SAMSN1: variants seen among roughly 807,000 people sequenced by gnomAD.
SAMSN1 encodes the protein SAM domain-containing protein SAMSN-1.
SAMSN1 carries 31 observed loss-of-function variants against 42.0 expected under a neutral mutation model. That is an observed-to-expected ratio of 0.74 (90% confidence interval 0.55 to 1.00). The LOEUF (loss-of-function observed/expected upper bound fraction) is 1.00. Ranked by LOEUF, SAMSN1 falls within the 50% of genes least tolerant of loss-of-function variation. The pLI, the probability that SAMSN1 is intolerant of heterozygous loss-of-function variation, is 0.00. For missense variants in SAMSN1, 464 were observed against 439.4 expected, an observed-to-expected ratio of 1.06 and a Z score of -0.50; for synonymous variants, 178 against 151.9, an observed-to-expected ratio of 1.17 and a Z score of -1.26.
Position 14,512,585 on chromosome 21 carries a change from A to G in SAMSN1, c.280-12T>C. The G allele has an allele frequency of 6.2e-7, 1 of 1,613,504 alleles. No homozygotes were observed. The stretch of plus-strand genomic sequence containing the variant: ...CCATCTTCCTCATCCTTCAGAAAAC[A>G]TATCAGAGGTTAGGTACAGAGAGAA... On this transcript the variant is annotated splice_polypyrimidine_tract_variant and intron_variant, in intron 3 of 7. Transcript: ENST00000400566.
intron 1 of SAMSN1, among the ~76,000 whole-genome samples, chr21:14,530,660 C>T (rs964688287): frequency 4.6e-5 from 7 of 152,096 alleles, no homozygotes; most frequent in South Asian, 2.1e-4. Flanking sequence ...GATAGTTGGT[C>T]GATGTTTCAT....
intron 2 of SAMSN1, among the ~76,000 whole-genome samples, chr21:14,634,209 A>AT (rs397695366): frequency 6.6e-6 from 1 of 151,306 alleles, no homozygotes; most frequent in Non-Finnish European, 1.5e-5. Context: ...TATAAAAAAA[A>AT]CCCTAGAAGA....
upstream of SAMSN1, chr21:14,583,848 T>C: frequency 3.1e-6 from 2 of 650,588 alleles, no homozygotes; most frequent in Non-Finnish European, 2.8e-6. Context: ...TATGTTGAGA[T>C]CATAAATGTG....
chr21:14,623,387 C>G (rs1045586243), intron 2 of SAMSN1, among the ~76,000 whole-genome samples: 2 of 152,070 alleles, frequency 1.3e-5, no homozygotes, highest in Non-Finnish European at 2.9e-5. Flanking sequence ...ACCCATCTCA[C>G]GTGCAGAGAC....
intron 6 of SAMSN1, among the ~76,000 whole-genome samples, chr21:14,595,456 T>G (rs988360326): frequency 6.6e-6 from 1 of 152,134 alleles, no homozygotes; most frequent in Non-Finnish European, 1.5e-5. Context: ...TAAGGTACTT[T>G]GCTATAGCTG....
At chr21:14,593,864 C>A in intron 7 of SAMSN1, 1 of 505,542 alleles carries the variant, frequency 2.0e-6, no homozygotes, top group Non-Finnish European at 3.6e-6. Flanking sequence ...GGACAAGCCT[C>A]TATTTATGTT....
chr21:14,562,121 T>C (rs1005676508), intron 2 of SAMSN1, among the ~76,000 whole-genome samples: 30 of 152,174 alleles, frequency 2.0e-4, no homozygotes, highest in African/African-American at 7.0e-4. Flanking sequence ...GGTGAGCATG[T>C]ATACATTTAC....
intron 2 of SAMSN1, among the ~76,000 whole-genome samples, chr21:14,632,291 T>C (rs552300353): frequency 6.6e-6 from 1 of 152,248 alleles, no homozygotes; most frequent in African/African-American, 2.4e-5. Context: ...GAGTTCCCAA[T>C]AATTCTGGGC....
At chr21:14,559,287 G>C (rs1980864954) in intron 2 of SAMSN1, among the ~76,000 whole-genome samples, 2 of 152,112 alleles carry the variant, frequency 1.3e-5, no homozygotes, top group Admixed American at 1.3e-4. Context: ...GACAGCAAAG[G>C]TCATCTCTTC....
intron 2 of SAMSN1, among the ~76,000 whole-genome samples, chr21:14,621,520 C>T (rs890321298): frequency 1.3e-5 from 2 of 152,164 alleles, no homozygotes. Context: ...CTCAGAGGAT[C>T]CCATGCCCAT....
At position 14,658,750 on chromosome 21, in the gene SAMSN1, G is replaced by C. The variant is rs370700661; in HGVS notation, c.22C>G (p.Leu8Val). The C allele has an allele frequency of 1.1e-5, 8 of 715,360 alleles. No homozygotes were observed. The East Asian group carries it at 2.1e-4, about 19-fold the overall frequency. The allele number at this position is 715,360 out of a possible 1,614,324, so 44.3% of individuals were successfully genotyped here. A position where few individuals can be genotyped will look rare whatever the true frequency, so the allele number is the denominator to read the frequency against. ...ATGCTGCAAATAAAGGAACTTACCA[G>C]CGAAATGCAGAAAAGATTCATTTTG... Residue 8 changes from leucine (L) to valine (V), a missense_variant and splice_region_variant, in exon 1 of 16, where the codon CTG becomes GTG. Physicochemically the swap from Leu to Val is conservative, Grantham distance 32. Coordinates refer to the SAMSN1 transcript ENST00000647101.
chr21:14,510,246 G>T, intron 5 of SAMSN1, 64 bp downstream of exon 5: 2 of 1,522,836 alleles, frequency 1.3e-6, no homozygotes, highest in Non-Finnish European at 9.1e-7. Flanking sequence ...TATACTTGCT[G>T]AAACAGATCA....
Position 14,643,092 on chromosome 21 carries a change from TTGCTC to T in SAMSN1, c.61_65del (p.Glu21ThrfsTer3). On this transcript the variant is annotated frameshift_variant, in exon 2 of 16. Coordinates refer to the SAMSN1 transcript ENST00000647101. LOFTEE classifies it high-confidence loss of function. ...TAGACATGTTTTCTTGGTTAGCTTGTTGCTCTGGGATTGGCTCATATAAGCTATCC... is the reference window on the plus strand; with the variant it reads ...TAGACATGTTTTCTTGGTTAGCTTGTTGGGATTGGCTCATATAAGCTATCC... The T allele has an allele frequency of 1.4e-6, 1 of 717,354 alleles. No individual in the cohort carries two copies. The highest frequency in any genetic ancestry group is 2.6e-6 in the Non-Finnish European group (1 of 385,012). 44.4% of individuals were successfully genotyped at this position (717,354 alleles called of 1,614,324 possible).
intron 1 of SAMSN1, among the ~76,000 whole-genome samples, chr21:14,656,240 C>T (rs1983914326): frequency 6.6e-6 from 1 of 151,628 alleles, no homozygotes; most frequent in African/African-American, 2.4e-5. Flanking sequence ...AAGACGAAGT[C>T]CAAACTTTCA....
At chr21:14,578,362 A>C (rs1259797741) in intron 2 of SAMSN1, among the ~76,000 whole-genome samples, 1 of 152,136 alleles carries the variant, frequency 6.6e-6, no homozygotes, top group African/African-American at 2.4e-5. Flanking sequence ...TGGGCTTAGC[A>C]GGAAGCATAT....
intron 1 of SAMSN1, among the ~76,000 whole-genome samples, chr21:14,646,603 C>T (rs1048080600): frequency 2.2e-4 from 34 of 152,152 alleles, no homozygotes; most frequent in African/African-American, 8.2e-4. Context: ...ATAGTAAGTA[C>T]ACAGACATAT....
At chr21:14,502,359 A>G (rs1314782750) in intron 5 of SAMSN1, among the ~76,000 whole-genome samples, 1 of 152,144 alleles carries the variant, frequency 6.6e-6, no homozygotes. Flanking sequence ...TAGGCATGGA[A>G]ACCCTTCACT....
At chr21:14,513,518 TGC>T (rs1987778572) in intron 3 of SAMSN1, among the ~76,000 whole-genome samples, 2 of 137,934 alleles carry the variant, frequency 1.4e-5, no homozygotes, top group Admixed American at 7.0e-5. Flanking sequence ...TGTTTGTGTG[TGC>T]GTGTGTGTGT....
chr21:14,606,518 CAA>C lies in SAMSN1; in HGVS notation c.322+2962_322+2963del, dbSNP rs201876508. 5.1e-3 allele frequency among the ~76,000 whole-genome samples: 780 copies of C among 152,066 alleles called. 8 individuals are homozygous for C. The highest frequency in any genetic ancestry group is 0.017 in the African/African-American group (711 of 41,486). ...TCTTCTCAATTCTTTTTTATAAACT[CAA>C]GTCAAAATAAATTTAAATATTTTAA... On this transcript the variant is annotated intron_variant, in intron 5 of 15. Transcript: ENST00000647101.
Sources: gnomAD v4.1 joint callset for allele counts (sites outside exome capture counted in the v4.1 genomes callset) on GRCh38, gnomAD v4.1.1 for gene constraint, MANE v1.5 for transcripts, NCBI Gene and HGNC (gene_info 2026-07-23, HGNC 2026-07-21) for gene names.